NID1: variants seen among roughly 807,000 people sequenced by gnomAD.
The protein encoded by NID1 is nidogen-1.
A neutral mutation model predicts 130.6 loss-of-function variants in NID1; 76 were observed. The ratio of observed to expected loss-of-function variants is 0.58; its 90% confidence interval spans 0.48 to 0.70. The LOEUF is 0.70. Among genes scored for constraint, NID1 ranks in the 30% least tolerant of loss-of-function variants. The pLI, the probability that NID1 is intolerant of heterozygous loss-of-function variation, is 0.00. For missense variants in NID1, 1,517 were observed against 1,664.8 expected (o/e 0.91, Z 1.54); for synonymous variants, 665 against 675.1 (o/e 0.98, Z 0.23).
intron 9 of NID1, among the ~76,000 whole-genome samples, chr1:236,022,801 A>T (rs10927280): frequency 6.6e-6 from 1 of 150,426 alleles, no homozygotes; most frequent in South Asian, 2.1e-4. Flanking sequence ...GGCAGCTCAC[A>T]CCTGTAATCC....
chr1:235,990,253 C>G (rs1463493474), intron 14 of NID1, among the ~76,000 whole-genome samples: 2 of 152,150 alleles, frequency 1.3e-5, no homozygotes, highest in African/African-American at 4.8e-5. Context: ...GGAGGTTGGT[C>G]CTGTGGCAGG....
At chr1:236,048,661 C>A in intron 2 of NID1, 29 bp downstream of exon 2, 1 of 1,599,190 alleles carries the variant, frequency 6.3e-7, no homozygotes, top group Non-Finnish European at 8.5e-7. Context: ...TGTCTGATTA[C>A]CTGCACTTGG....
At chr1:236,015,686 G>C (rs1220639846) in intron 10 of NID1, among the ~76,000 whole-genome samples, 1 of 150,210 alleles carries the variant, frequency 6.7e-6, no homozygotes, top group African/African-American at 2.5e-5. Flanking sequence ...AGAGCTCAGG[G>C]GAGAGGACAA....
chr1:235,984,916 G>A (rs1055488374), intron 15 of NID1, among the ~76,000 whole-genome samples: 3 of 152,168 alleles, frequency 2.0e-5, no homozygotes, highest in Non-Finnish European at 2.9e-5. Context: ...CCTGCCGGGC[G>A]CCGTGGCTCA....
At chr1:236,034,249 C>T (rs192310559) in intron 5 of NID1, among the ~76,000 whole-genome samples, 276 of 151,858 alleles carry the variant, frequency 1.8e-3, no homozygotes, top group African/African-American at 6.4e-3. Context: ...GGTGAAACCC[C>T]GTCTCTACTA....
At position 236,013,584 on chromosome 1, in the gene NID1, C is replaced by T. The variant is rs752016571; in HGVS notation, c.2255-24G>A. 232 of 1,613,924 alleles carry T rather than the reference C, an allele frequency of 1.4e-4. 2 individuals carry two copies. In the South Asian group the frequency reaches 2.2e-3, roughly 15 times the overall value. ...AGCTTCAGAACAAAAGGTTGATGCA[C>T]AGTCTTAGGAAGAAAGTCCCCTGAG... is the stretch of plus-strand genomic sequence containing the variant. On this transcript the variant is annotated intron_variant, in intron 10 of 19. Coordinates refer to ENST00000264187, the MANE Select transcript of NID1 (RefSeq NM_002508.3).
Position 236,040,822 on chromosome 1 carries a change from C to T in NID1, c.1135+1088G>A, listed in dbSNP as rs34082141. On this transcript the variant is annotated intron_variant, in intron 4 of 19. Transcript: ENST00000264187. ...GGGATTACAGATGCCTGCCACCACG[C>T]CTGGCTAATGTTTTGCATTTTTAGT... is the stretch of plus-strand genomic sequence containing the variant. Among the ~76,000 whole-genome samples, 820 of 152,176 alleles carry T rather than the reference C, an allele frequency of 5.4e-3. 4 individuals carry two copies. The highest frequency in any genetic ancestry group is 0.01 in the Middle Eastern group (3 of 294).
At chr1:236,032,357 C>A in intron 6 of NID1, 44 bp downstream of exon 6, 2 of 1,599,312 alleles carry the variant, frequency 1.3e-6, no homozygotes, top group South Asian at 1.1e-5. Flanking sequence ...TCCCCCTAGG[C>A]ACTACTGTGT....
chr1:236,019,872 T>C (rs1257259832), intron 9 of NID1, among the ~76,000 whole-genome samples: 1 of 151,808 alleles, frequency 6.6e-6, no homozygotes, highest in East Asian at 1.9e-4. Context: ...TGAAACCCCA[T>C]CTCTACTAAA....
At chr1:236,013,691 G>T (rs1658500642) in intron 10 of NID1, 131 bp from the exon 11 acceptor site, 1 of 951,878 alleles carries the variant, frequency 1.1e-6, no homozygotes, top group Middle Eastern at 3.2e-4. Flanking sequence ...AGCTTCACCT[G>T]CACCCCACTC....
At chr1:236,052,447 C>T (rs2102848438) in intron 1 of NID1, among the ~76,000 whole-genome samples, 1 of 152,302 alleles carries the variant, frequency 6.6e-6, no homozygotes, top group Admixed American at 6.5e-5. Context: ...CAGGCCATCA[C>T]CAATATTCGC....
At chr1:236,063,491 T>A (rs770514903) in intron 1 of NID1, among the ~76,000 whole-genome samples, 1,681 of 148,930 alleles carry the variant, frequency 0.011, 27 homozygotes, top group Non-Finnish European at 0.015. Flanking sequence ...AATAAATAAA[T>A]AAATAAATAA....
intron 1 of NID1, among the ~76,000 whole-genome samples, chr1:236,059,659 G>A (rs1482192993): frequency 3.3e-5 from 5 of 152,102 alleles, no homozygotes; most frequent in Admixed American, 3.3e-4. Context: ...AGAAACAAAA[G>A]GATTAGTAAA....
chr1:236,032,711 C>T (rs1209635554), intron 5 of NID1, 59 bp from the exon 6 acceptor site: 17 of 1,593,032 alleles, frequency 1.1e-5, no homozygotes, highest in East Asian at 2.2e-5. Flanking sequence ...CTTTCAAACA[C>T]GAGTAATATG....
chr1:236,010,712 A>G (rs12143102), intron 12 of NID1, among the ~76,000 whole-genome samples: 37,895 of 152,230 alleles, frequency 0.25, 6,021 homozygotes, highest in Non-Finnish European at 0.36. Context: ...CTGTGTTCCA[A>G]TAAAACTTTA....
rs927566168 is a variant in NID1, at chr1:236,048,128, T to C, written c.525+562A>G. 1.4e-4 allele frequency among the ~76,000 whole-genome samples: 20 copies of C among 145,818 alleles called. No individual in the cohort carries two copies. The South Asian group carries it at 1.5e-3, about 11-fold the overall frequency. On this transcript the variant is annotated intron_variant, in intron 2 of 19. Coordinates refer to ENST00000264187, the MANE Select transcript of NID1 (RefSeq NM_002508.3). ...AAGGGTGGATCACGAGATCAAGAGA[T>C]AGAGACCATCCTGGCTAACATGGTG... is the stretch of plus-strand genomic sequence containing the variant.
At chr1:236,017,315 G>A (rs1340718764) in intron 9 of NID1, 42 bp from the exon 10 acceptor site, 8 of 1,607,408 alleles carry the variant, frequency 5.0e-6, no homozygotes, top group Non-Finnish European at 6.8e-6. Context: ...TTTTTTTAAA[G>A]CTCTTCAAAC....
chr1:236,020,048 AAAAAAAAAAACAAAAAC>A (rs1468114735), intron 9 of NID1, among the ~76,000 whole-genome samples: 2 of 146,286 alleles, frequency 1.4e-5, no homozygotes, highest in Non-Finnish European at 1.5e-5. Context: ...AAAAAAAAAA[AAAAAAAAAAACAAAAAC>A]AAACTTCTTT....
chr1:236,026,929 CG>C (rs1188103019), intron 7 of NID1, among the ~76,000 whole-genome samples: 2 of 151,776 alleles, frequency 1.3e-5, no homozygotes, highest in African/African-American at 2.4e-5. Context: ...TTAGTAGAGA[CG>C]GGGTTTCACC....
Sources: allele counts gnomAD v4.1 joint callset (sites outside exome capture counted in the v4.1 genomes callset), GRCh38; gene constraint gnomAD v4.1.1; transcripts MANE v1.5; gene names NCBI Gene and HGNC (gene_info 2026-07-23, HGNC 2026-07-21).